Variants in STAC2 observed in about 807,000 individuals in gnomAD.
The protein encoded by STAC2 is SH3 and cysteine rich domain 2, also known as SH3 and cysteine-rich domain-containing protein 2.
STAC2 carries 36 observed loss-of-function variants against 49.0 expected under a neutral mutation model. That is an observed-to-expected ratio of 0.74 (90% CI 0.56 to 0.97). STAC2 has a LOEUF of 0.97. Ranked by LOEUF, STAC2 falls within the 50% of genes least tolerant of loss-of-function variation. The probability of loss-of-function intolerance (pLI) is 0.00; values close to 1 mark genes in which losing one functional copy is unlikely to be tolerated. For missense variants in STAC2, 527 were observed against 543.8 expected (o/e 0.97, Z 0.31); for synonymous variants, 239 against 214.7 (o/e 1.11, Z -0.99).
Position 39,218,038 on chromosome 17 carries a change from G to A in STAC2, c.226C>T (p.Pro76Ser), listed in dbSNP as rs2046423603. 1.2e-6 allele frequency: 2 copies of A among 1,601,134 alleles called. No homozygotes were observed. Among genetic ancestry groups the A allele is most frequent in the Middle Eastern group, 2.1e-4 (1 of 4,734 alleles). Residue 76 changes from proline (P) to serine (S), a missense_variant, in exon 2 of 11, where the codon CCT becomes TCT. Coordinates refer to ENST00000333461, the MANE Select transcript of STAC2 (RefSeq NM_198993.5). ...VLLTPPTPLP[P>S]PSPPPTASDR... is the part of the protein sequence containing the mutation. Reference sequence around the variant, plus strand: ...GAGGCTGTGGGTGGTGGGGAGGGAGGGGGCAGTGGGGTTGGGGGCGTCAGC... The same window carrying A: ...GAGGCTGTGGGTGGTGGGGAGGGAGAGGGCAGTGGGGTTGGGGGCGTCAGC...
At chr17:39,221,140 G>A (rs1026066579) in intron 1 of STAC2, among the ~76,000 whole-genome samples, 16 of 151,434 alleles carry the variant, frequency 1.1e-4, no homozygotes, top group African/African-American at 3.9e-4. Context: ...TTGTTGCCCA[G>A]GCTGGAGTGC....
rs776187846 is a variant in STAC2, at chr17:39,214,819, C to T, written c.815G>A (p.Gly272Glu). Residue 272 changes from glycine to glutamate, a missense_variant, in exon 7 of 11, where the codon GGA becomes GAA. Physicochemically the swap from Gly to Glu is moderately conservative, Grantham distance 98. Transcript: ENST00000333461. ...CTGTCCAGGACTCTTCTCCTCTGGTCCTGGCCCTTCACTCTCTGCTGGGGC... is the reference window on the plus strand; with the variant it reads ...CTGTCCAGGACTCTTCTCCTCTGGTTCTGGCCCTTCACTCTCTGCTGGGGC... ...FTAPAESEGP[G>E]PEEKSPGQQL... 2 of 1,614,072 alleles carry T rather than the reference C, an allele frequency of 1.2e-6. No individual in the cohort carries two copies. The highest frequency in any genetic ancestry group is 1.7e-5 in the Admixed American group (1 of 60,022).
At chr17:39,216,072 G>A (rs2046399382) in intron 4 of STAC2, among the ~76,000 whole-genome samples, 1 of 152,032 alleles carries the variant, frequency 6.6e-6, no homozygotes, top group African/African-American at 2.4e-5. Context: ...ATCCTAAATG[G>A]ATGAACCCCT....
At chr17:39,219,550 C>T (rs540265229) in intron 1 of STAC2, among the ~76,000 whole-genome samples, 1 of 152,314 alleles carries the variant, frequency 6.6e-6, no homozygotes, top group South Asian at 2.1e-4. Context: ...GGGACGGACA[C>T]AGTTGCTGGC....
chr17:39,218,190 G>A lies in STAC2; in HGVS notation c.91-17C>T. The A allele has an allele frequency of 6.2e-7, 1 of 1,613,072 alleles. No homozygotes were observed. Among genetic ancestry groups the A allele is most frequent in the Non-Finnish European group, 8.5e-7 (1 of 1,179,956 alleles). ...TCGCTGGAGCTGGGAGAAAAAGAGG[G>A]AGCTGTGAGTGGGAGCCTAGAGGGG... is the stretch of plus-strand genomic sequence containing the variant. On this transcript the variant is annotated splice_polypyrimidine_tract_variant and intron_variant, in intron 1 of 10. Transcript: ENST00000333461.
chr17:39,212,226 C>T lies in STAC2; in HGVS notation c.*66G>A. On this transcript the variant is annotated 3_prime_UTR_variant, in exon 11 of 11. Transcript: ENST00000333461. The stretch of plus-strand genomic sequence containing the variant: ...ATGGAGTGGACAAGGGGGCCTGATC[C>T]CCTCCCTGGCCAGAAGCAAGGTCCA... 2.5e-6 allele frequency: 3 copies of T among 1,216,466 alleles called. No individual in the cohort carries two copies. Among genetic ancestry groups the T allele is most frequent in the Non-Finnish European group, 3.6e-6 (3 of 843,370 alleles). 75.4% of individuals were successfully genotyped at this position (1,216,466 alleles called of 1,614,324 possible).
Position 39,225,846 on chromosome 17 carries a change from C to G in STAC2, c.-344G>C. On this transcript the variant is annotated 5_prime_UTR_variant, in exon 1 of 11. Transcript: ENST00000333461. The surrounding 1 kb of genome is among the most constrained non-coding windows in gnomAD (Gnocchi z 8.2). ...AGGAGCTGTCCGTGTCCAGCCGGCTCCGCCGTCCGCTGCGCCCGCCCCCCA... is the reference window on the plus strand; with the variant it reads ...AGGAGCTGTCCGTGTCCAGCCGGCTGCGCCGTCCGCTGCGCCCGCCCCCCA... 2 of 265,128 alleles carry G rather than the reference C, an allele frequency of 7.5e-6. No homozygotes were observed. The highest frequency in any genetic ancestry group is 1.4e-5 in the Non-Finnish European group (2 of 138,398). The allele number at this position is 265,128 out of a possible 1,614,324, so 16.4% of individuals were successfully genotyped here.
rs1249449536 is a variant in STAC2 at position 39,211,706 on chromosome 17, T to TAG, written c.*585_*586insCT. 6.5e-6 allele frequency: 1 copy of TAG among 152,700 alleles called. No individual in the cohort carries two copies. The highest frequency in any genetic ancestry group is 2.4e-5 in the African/African-American group (1 of 41,394). The allele number at this position is 152,700 out of a possible 1,614,324, so 9.5% of individuals were successfully genotyped here. ...TAACGGGAGAGATTCCTGCAAAACT[T>TAG]TCCTGAGAATTGACGGAATGACAGA... On this transcript the variant is annotated 3_prime_UTR_variant, in exon 11 of 11. Coordinates refer to ENST00000333461, the MANE Select transcript of STAC2 (RefSeq NM_198993.5).
rs1165178007 is a variant in STAC2 at position 39,218,107 on chromosome 17, A to G, written c.157T>C (p.Phe53Leu). ...ILRSKSLENF[F>L]LRSGSELKCP... ...TTGAGCTCAGAGCCCGAGCGAAGGAAGAAGTTCTCCAAGCTCTTACTTCGG... is the reference window on the plus strand; with the variant it reads ...TTGAGCTCAGAGCCCGAGCGAAGGAGGAAGTTCTCCAAGCTCTTACTTCGG... Residue 53 changes from phenylalanine to leucine, a missense_variant, in exon 2 of 11, where the codon TTC becomes CTC. Coordinates refer to ENST00000333461, the MANE Select transcript of STAC2 (RefSeq NM_198993.5). 23 of 1,613,382 alleles carry G rather than the reference A, an allele frequency of 1.4e-5. No homozygotes were observed. The highest frequency in any genetic ancestry group is 1.8e-5 in the Non-Finnish European group (21 of 1,180,008).
intron 4 of STAC2, among the ~76,000 whole-genome samples, chr17:39,215,882 C>T (rs71369730): frequency 0.06 from 9,153 of 151,980 alleles, 907 homozygotes; most frequent in African/African-American, 0.21. Flanking sequence ...TTAGTAGAGA[C>T]GGGGTTTCAC....
In STAC2 at chr17:39,213,066, T is replaced by C. The variant is rs909843228; in HGVS notation, c.1060A>G (p.Asn354Asp). The stretch of plus-strand genomic sequence containing the variant: ...AAGGGTTGGCAGCAGCGCCAAACAT[T>C]CTCGCCTGGCCTCACCCGTTGCACA... Reference protein sequence around the residue: ...NFVQRVRPGENVWRCCQPFSG... With the variant: ...NFVQRVRPGEDVWRCCQPFSG... The change falls in exon 10 of 11, where the codon AAT (asparagine) becomes GAT (aspartate). Residue 354 changes from asparagine to aspartate, a missense_variant. Asn to Asp is a conservative substitution (Grantham distance 23). Coordinates refer to ENST00000333461, the MANE Select transcript of STAC2 (RefSeq NM_198993.5). 119 of 1,613,462 alleles carry C rather than the reference T, an allele frequency of 7.4e-5. No individual in the cohort carries two copies. Among genetic ancestry groups the C allele is most frequent in the Non-Finnish European group, 9.8e-5 (116 of 1,180,018 alleles).
rs8077497 is a variant in STAC2 at position 39,222,801 on chromosome 17, G to A, written c.90+2612C>T. On this transcript the variant is annotated intron_variant, in intron 1 of 10. Transcript: ENST00000333461. ...CCCTCCCAGAGACAGGGCCTGGCCT[G>A]CCTGTTTCCTCCCCACCTCCCCATA... is the stretch of plus-strand genomic sequence containing the variant. 5.3e-3 allele frequency among the ~76,000 whole-genome samples: 814 copies of A among 152,254 alleles called. 5 individuals carry two copies. The highest frequency in any genetic ancestry group is 0.018 in the African/African-American group (753 of 41,544).
At position 39,210,984 on chromosome 17, in the gene STAC2, C is replaced by T. The variant is rs1040035912; in HGVS notation, c.*1308G>A. On this transcript the variant is annotated 3_prime_UTR_variant, in exon 11 of 11. Transcript: ENST00000333461. ...CTTCCACCCCCTCTTTTTCCCAGGG[C>T]TCTGTGTCCAGAACAAGGGAGCAGA... is the stretch of plus-strand genomic sequence containing the variant. The T allele has an allele frequency of 3.9e-5, 6 of 152,548 alleles. No homozygotes were observed. The South Asian group carries it at 6.2e-4, about 16-fold the overall frequency. The allele number at this position is 152,548 out of a possible 1,614,324, so 9.4% of individuals were successfully genotyped here. A position where few individuals can be genotyped will look rare whatever the true frequency, so the allele number is the denominator to read the frequency against.
rs1286717333 is a variant in STAC2, at chr17:39,217,063, G to A, written c.495+13C>T. 6.2e-7 allele frequency: 1 copy of A among 1,613,482 alleles called. No individual in the cohort carries two copies. The highest frequency in any genetic ancestry group is 8.5e-7 in the Non-Finnish European group (1 of 1,179,666). On this transcript the variant is annotated intron_variant, in intron 3 of 10. Transcript: ENST00000333461. ...GCACTCAGCTGGCCATCTCTGCCTG[G>A]GTCCCCGCTCACCGTCTTGCCTGGG... is the stretch of plus-strand genomic sequence containing the variant.
chr17:39,212,923 G>GCAC, intron 10 of STAC2, 72 bp downstream of exon 10: 1 of 1,581,976 alleles, frequency 6.3e-7, no homozygotes, highest in Non-Finnish European at 8.6e-7. Flanking sequence ...ATTTACCCCC[G>GCAC]CACCGCAGCC....
In STAC2 at chr17:39,225,354, C is replaced by T. The variant is rs1472786860; in HGVS notation, c.90+59G>A. ...GACGCCCGGGCCCACAGGAGGACCC[C>T]GCCGGGAAGAGGGCGCCCGGGCCCG... is the stretch of plus-strand genomic sequence containing the variant. On this transcript the variant is annotated intron_variant, in intron 1 of 10. Transcript: ENST00000333461. This position sits in a 1 kb window ranked among gnomAD's most constrained non-coding sequence, Gnocchi z 8.2. The T allele has an allele frequency of 1.9e-5, 28 of 1,477,238 alleles. No individual in the cohort carries two copies. Among genetic ancestry groups the T allele is most frequent in the Middle Eastern group, 2.2e-4 (1 of 4,534 alleles). 91.5% of individuals were successfully genotyped at this position (1,477,238 alleles called of 1,614,324 possible).
At chr17:39,215,571 C>A (rs1160640628) in intron 4 of STAC2, among the ~76,000 whole-genome samples, 1 of 152,244 alleles carries the variant, frequency 6.6e-6, no homozygotes, top group Non-Finnish European at 1.5e-5. Flanking sequence ...CAACTGGTCT[C>A]CCTGCTTCCA....
At chr17:39,217,617 A>G (rs141531203) in intron 2 of STAC2, among the ~76,000 whole-genome samples, 1 of 152,190 alleles carries the variant, frequency 6.6e-6, no homozygotes, top group East Asian at 1.9e-4. Context: ...CAGCTACTAC[A>G]GAGGCTGAGG....
chr17:39,225,606 G>A lies in STAC2; in HGVS notation c.-104C>T. On this transcript the variant is annotated 5_prime_UTR_variant, in exon 1 of 11. Transcript: ENST00000333461. The surrounding 1 kb of genome is among the most constrained non-coding windows in gnomAD (Gnocchi z 8.2). ...TCCGGGACTCTGAAGCCGTTCTCCA[G>A]AGGCTGCCCCCAGTTAGCCCCCGGC... 1.8e-6 allele frequency: 2 copies of A among 1,124,874 alleles called. No individual in the cohort carries two copies. Among genetic ancestry groups the A allele is most frequent in the South Asian group, 1.3e-5 (1 of 77,688 alleles). The allele number at this position is 1,124,874 out of a possible 1,614,324, so 69.7% of individuals were successfully genotyped here. A position where few individuals can be genotyped will look rare whatever the true frequency, so the allele number is the denominator to read the frequency against.
Sources: gnomAD v4.1 joint callset for allele counts (sites outside exome capture counted in the v4.1 genomes callset) on GRCh38, gnomAD v4.1.1 for gene constraint, Gnocchi (gnomAD v3.1) non-coding constraint, MANE v1.5 for transcripts, NCBI Gene and HGNC (gene_info 2026-07-23, HGNC 2026-07-21) for gene names.